BICDL1: variants seen among roughly 807,000 people sequenced by gnomAD.
The protein encoded by BICDL1 is BICD family-like cargo adapter 1.
BICDL1 carries 20 observed loss-of-function variants against 76.8 expected under a neutral mutation model. The observed-to-expected ratio is 0.26, with a 90% CI of 0.18 to 0.38. The LOEUF is 0.38. Ranked by LOEUF, BICDL1 falls within the 10% of genes least tolerant of loss-of-function variation. The pLI is 1.00. For synonymous variants in BICDL1, 383 were observed against 337.1 expected, an observed-to-expected ratio of 1.14 and a Z score of -1.49; for missense variants, 700 against 798.6, an observed-to-expected ratio of 0.88 and a Z score of 1.49.
At chr12:120,013,061 A>G (rs1460807272) in intron 2 of BICDL1, among the ~76,000 whole-genome samples, 4 of 152,220 alleles carry the variant, frequency 2.6e-5, no homozygotes, top group African/African-American at 4.8e-5. Flanking sequence ...CTGTAATCCC[A>G]GCACTTTGGG....
In BICDL1 at chr12:120,031,393, A is replaced by G. The variant is rs577005897; in HGVS notation, c.646-30317A>G. On this transcript the variant is annotated intron_variant, in intron 2 of 9. Coordinates refer to ENST00000548673, the MANE Select transcript of BICDL1 (RefSeq NM_001367886.1). ...TAATTTTTTTGTATTTTTAGTAGAGATGGGGTTTCACCATGTTAGCCAGGA... is the reference window on the plus strand; with the variant it reads ...TAATTTTTTTGTATTTTTAGTAGAGGTGGGGTTTCACCATGTTAGCCAGGA... 1.4e-3 allele frequency among the ~76,000 whole-genome samples: 217 copies of G among 152,004 alleles called. 1 individual carries two copies. The highest frequency in any genetic ancestry group is 2.4e-3 in the Admixed American group (37 of 15,268).
intron 8 of BICDL1, among the ~76,000 whole-genome samples, chr12:120,089,519 A>T (rs1389345363): frequency 6.6e-6 from 1 of 152,132 alleles, no homozygotes; most frequent in Non-Finnish European, 1.5e-5. Context: ...AGTAACTGGG[A>T]TTACAGGCAT....
chr12:119,995,322 T>C (rs1378161371), intron 1 of BICDL1, among the ~76,000 whole-genome samples: 2 of 152,186 alleles, frequency 1.3e-5, no homozygotes, highest in African/African-American at 2.4e-5. Context: ...AAGCCTGGAA[T>C]TTGTCAAAGG....
At chr12:120,001,292 G>A (rs537219456) in intron 2 of BICDL1, among the ~76,000 whole-genome samples, 1 of 152,136 alleles carries the variant, frequency 6.6e-6, no homozygotes, top group East Asian at 1.9e-4. Flanking sequence ...TGTCGCCCAG[G>A]CTGGAGTACA....
intron 2 of BICDL1, among the ~76,000 whole-genome samples, chr12:120,027,019 T>C (rs1212095288): frequency 6.7e-6 from 1 of 148,612 alleles, no homozygotes; most frequent in Non-Finnish European, 1.5e-5. Flanking sequence ...AGAATAATGA[T>C]GTAATTTCTT....
chr12:120,008,910 T>C (rs1462613594), intron 2 of BICDL1, among the ~76,000 whole-genome samples: 1 of 151,282 alleles, frequency 6.6e-6, no homozygotes, highest in Non-Finnish European at 1.5e-5. Flanking sequence ...TTAAACACAT[T>C]AGGGTGGTAA....
chr12:120,010,403 C>T (rs1207163236), intron 2 of BICDL1, among the ~76,000 whole-genome samples: 1 of 152,184 alleles, frequency 6.6e-6, no homozygotes, highest in Non-Finnish European at 1.5e-5. Flanking sequence ...TATACATCTA[C>T]ATTATAAAAT....
At chr12:120,024,782 G>A (rs1952255297) in intron 2 of BICDL1, among the ~76,000 whole-genome samples, 1 of 151,994 alleles carries the variant, frequency 6.6e-6, no homozygotes, top group African/African-American at 2.4e-5. Context: ...CTGCCTCCCA[G>A]GTTCAAGTGA....
Position 120,039,542 on chromosome 12 carries a change from G to A in BICDL1, c.646-22168G>A, listed in dbSNP as rs143442754. ...AATCCCAGCTACTCAGGAGGCTGAG[G>A]CAGGGGAATTGCTTGAACCCGGGAG... is the stretch of plus-strand genomic sequence containing the variant. On this transcript the variant is annotated intron_variant, in intron 2 of 9. Coordinates refer to ENST00000548673, the MANE Select transcript of BICDL1 (RefSeq NM_001367886.1). Among the ~76,000 whole-genome samples the A allele has an allele frequency of 8.0e-3, 1,185 of 147,908 alleles. 14 individuals are homozygous for A. The highest frequency in any genetic ancestry group is 0.027 in the African/African-American group (1,081 of 39,508).
intron 2 of BICDL1, among the ~76,000 whole-genome samples, chr12:120,018,141 G>T (rs534416410): frequency 4.6e-5 from 7 of 152,134 alleles, no homozygotes; most frequent in Admixed American, 2.0e-4. Context: ...CAGCTTTTGC[G>T]CTGGATACCG....
At chr12:120,083,013 C>A (rs927115696) in intron 8 of BICDL1, among the ~76,000 whole-genome samples, 2 of 152,108 alleles carry the variant, frequency 1.3e-5, no homozygotes, top group African/African-American at 4.8e-5. Context: ...CAGGCACACA[C>A]CACCACGCCT....
intron 7 of BICDL1, among the ~76,000 whole-genome samples, chr12:120,076,881 A>G (rs916965237): frequency 2.6e-5 from 4 of 152,252 alleles, no homozygotes; most frequent in African/African-American, 9.6e-5. Flanking sequence ...AGGTTGGTTC[A>G]ACATCCACTG....
Position 120,071,022 on chromosome 12 carries a change from G to A in BICDL1, c.910-600G>A, listed in dbSNP as rs902247755. 6.6e-6 allele frequency among the ~76,000 whole-genome samples: 1 copy of A among 152,090 alleles called. No individual in the cohort carries two copies. Among genetic ancestry groups the A allele is most frequent in the Admixed American group, 6.6e-5 (1 of 15,264 alleles). ...TGGTGTTACAGGCGTGAGCCACCACGCCCGGCCTGGTTGGTATAACTCAAG... is the reference window on the plus strand; with the variant it reads ...TGGTGTTACAGGCGTGAGCCACCACACCCGGCCTGGTTGGTATAACTCAAG... On this transcript the variant is annotated intron_variant, in intron 4 of 9. Transcript: ENST00000548673. The surrounding 1 kb of genome is among the most constrained non-coding windows in gnomAD (Gnocchi z 4.8).
chr12:120,056,315 T>G (rs144926865), intron 2 of BICDL1, among the ~76,000 whole-genome samples: 2 of 152,366 alleles, frequency 1.3e-5, no homozygotes, highest in African/African-American at 4.8e-5. Flanking sequence ...ACCTATGATT[T>G]CAAATGTTTT....
At chr12:120,043,015 G>C (rs1042455008) in intron 2 of BICDL1, among the ~76,000 whole-genome samples, 1 of 152,120 alleles carries the variant, frequency 6.6e-6, no homozygotes, top group Non-Finnish European at 1.5e-5. Context: ...TTTGGGATCA[G>C]ACCTGCATTT....
At chr12:120,091,005 C>T (rs1874914197) in intron 9 of BICDL1, 1 of 1,289,084 alleles carries the variant, frequency 7.8e-7, no homozygotes, top group South Asian at 1.2e-5. Flanking sequence ...GTTGTACACC[C>T]CTCCTGCCTT....
At chr12:120,005,731 A>G (rs1023620882) in intron 2 of BICDL1, among the ~76,000 whole-genome samples, 36 of 152,160 alleles carry the variant, frequency 2.4e-4, no homozygotes, top group African/African-American at 8.2e-4. Context: ...TATATCTTGG[A>G]ATTTTTTTTA....
Position 119,997,225 on chromosome 12 carries a change from C to A in BICDL1, c.430-1296C>A, listed in dbSNP as rs1034140825. 2.0e-5 allele frequency among the ~76,000 whole-genome samples: 3 copies of A among 152,148 alleles called. No homozygotes were observed. In the East Asian group the frequency reaches 5.8e-4, roughly 29 times the overall value. On this transcript the variant is annotated intron_variant, in intron 1 of 9. Transcript: ENST00000548673. Reference sequence around the variant, plus strand: ...CCTCCCAAAGTGCTGGGATTACAGGCGTGTGCCACCGCGCCTGGCCACAAA... The same window carrying A: ...CCTCCCAAAGTGCTGGGATTACAGGAGTGTGCCACCGCGCCTGGCCACAAA...
intron 2 of BICDL1, among the ~76,000 whole-genome samples, chr12:120,016,723 CTG>C (rs1249471482): frequency 2.0e-5 from 3 of 151,764 alleles, no homozygotes; most frequent in Non-Finnish European, 4.4e-5. Flanking sequence ...CCTGTCCTGT[CTG>C]TAACTTTTTA....
Sources: allele counts gnomAD v4.1 joint callset (sites outside exome capture counted in the v4.1 genomes callset), GRCh38; gene constraint gnomAD v4.1.1; non-coding constraint Gnocchi (gnomAD v3.1); transcripts MANE v1.5; gene names NCBI Gene and HGNC (gene_info 2026-07-23, HGNC 2026-07-21).